Variants in PAQR3 observed in about 807,000 individuals in gnomAD.
PAQR3 encodes the protein Raf kinase trapping to Golgi.
A neutral mutation model predicts 41.7 loss-of-function variants in PAQR3; 39 were observed. That is an observed-to-expected ratio of 0.93 (90% confidence interval 0.72 to 1.22). The LOEUF is 1.22. Among genes scored for constraint, PAQR3 ranks in the 50% most tolerant of loss-of-function variants. PAQR3 has a pLI of 0.00. For missense variants in PAQR3, 366 were observed against 385.6 expected, an observed-to-expected ratio of 0.95 and a Z score of 0.42; for synonymous variants, 140 against 140.6, an observed-to-expected ratio of 1.00 and a Z score of 0.03.
chr4:78,898,607 C>T (rs1316193277), intron 11 of PAQR3, among the ~76,000 whole-genome samples: 1 of 149,576 alleles, frequency 6.7e-6, no homozygotes, highest in Non-Finnish European at 1.5e-5. Context: ...TAATCATATT[C>T]CTTTCCTGTT....
intron 12 of PAQR3, among the ~76,000 whole-genome samples, chr4:78,887,866 A>G (rs1306125777): frequency 6.6e-6 from 1 of 152,170 alleles, no homozygotes; most frequent in African/African-American, 2.4e-5. Context: ...TTATAGTGGA[A>G]AAAAAGAGTT....
At chr4:78,911,580 C>A, downstream of PAQR3, 1 of 1,614,038 alleles carries the variant, frequency 6.2e-7, no homozygotes, top group Non-Finnish European at 8.5e-7. Flanking sequence ...TGAAGCCTAC[C>A]TATCGCACTC....
Position 78,926,686 on chromosome 4 carries a change from A to G in PAQR3, c.537T>C (p.Leu179=), listed in dbSNP as rs1272111727. The change falls in exon 4 of 6, where the codon CTT becomes CTC. Residue 179 remains leucine, a synonymous_variant. Coordinates refer to ENST00000512733, the MANE Select transcript of PAQR3 (RefSeq NM_001040202.2). ...CAAAGAACACTGCCAGGATCATAGC[A>G]AGCACTGTGATCAAGTACACCTGAC... ...YWRQVYLITV[L]AMILAVFFAQ... is the part of the protein sequence containing the mutation. The G allele has an allele frequency of 2.5e-6, 4 of 1,614,048 alleles. No homozygotes were observed. The South Asian group carries it at 4.4e-5, about 18-fold the overall frequency.
At chr4:78,929,230 A>G (rs1319807821) in intron 3 of PAQR3, among the ~76,000 whole-genome samples, 1 of 152,196 alleles carries the variant, frequency 6.6e-6, no homozygotes, top group East Asian at 1.9e-4. Context: ...CTAGGACTAG[A>G]AATAACTAGT....
chr4:78,896,137 T>G (rs1048520672), intron 11 of PAQR3, among the ~76,000 whole-genome samples: 1 of 152,104 alleles, frequency 6.6e-6, no homozygotes, highest in East Asian at 1.9e-4. Flanking sequence ...ATAACCTAAC[T>G]TTTTTGCAGC....
chr4:78,919,599 A>G lies in PAQR3; in HGVS notation c.*940T>C. The G allele has an allele frequency of 1.0e-6, 1 of 985,112 alleles. No individual in the cohort carries two copies. Among genetic ancestry groups the G allele is most frequent in the Non-Finnish European group, 1.2e-6 (1 of 829,766 alleles). 61.0% of individuals were successfully genotyped at this position (985,112 alleles called of 1,614,324 possible). On this transcript the variant is annotated 3_prime_UTR_variant, in exon 6 of 6. Transcript: ENST00000512733. ...TGTTCTAAGGCTTAAGGTTCATTTCAGGGTCAAGACAGGGCCATCTAGATT... is the reference window on the plus strand; with the variant it reads ...TGTTCTAAGGCTTAAGGTTCATTTCGGGGTCAAGACAGGGCCATCTAGATT...
At chr4:78,893,026 C>T (rs751619836) in intron 11 of PAQR3, among the ~76,000 whole-genome samples, 22 of 152,306 alleles carry the variant, frequency 1.4e-4, no homozygotes, top group Non-Finnish European at 2.5e-4. Flanking sequence ...TGAAAGACTT[C>T]TCTGTACATG....
At chr4:78,921,068 GAGA>G (rs1283138421) in intron 5 of PAQR3, among the ~76,000 whole-genome samples, 2 of 151,996 alleles carry the variant, frequency 1.3e-5, no homozygotes, top group East Asian at 1.9e-4. Flanking sequence ...ATAAATCCGC[GAGA>G]AGGAGATATA....
intron 1 of PAQR3, among the ~76,000 whole-genome samples, chr4:78,936,999 C>T (rs962713864): frequency 6.6e-6 from 1 of 152,174 alleles, no homozygotes; most frequent in Non-Finnish European, 1.5e-5. Context: ...TCTACTCTTA[C>T]TGTACGAAAA....
intron 11 of PAQR3, among the ~76,000 whole-genome samples, chr4:78,892,103 C>T (rs1414055789): frequency 3.9e-5 from 6 of 152,062 alleles, no homozygotes; most frequent in African/African-American, 7.2e-5. Flanking sequence ...TTATGTTGGT[C>T]TCGTAAAATG....
At position 78,920,371 on chromosome 4, in the gene PAQR3, G is replaced by A; in HGVS notation, c.*168C>T. 1 of 1,241,922 alleles carries A rather than the reference G, an allele frequency of 8.1e-7. No individual in the cohort carries two copies. Among genetic ancestry groups the A allele is most frequent in the South Asian group, 3.6e-5 (1 of 27,894 alleles). The allele number at this position is 1,241,922 out of a possible 1,614,324, so 76.9% of individuals were successfully genotyped here. A position where few individuals can be genotyped will look rare whatever the true frequency, so the allele number is the denominator to read the frequency against. On this transcript the variant is annotated 3_prime_UTR_variant, in exon 6 of 6. Coordinates refer to ENST00000512733, the MANE Select transcript of PAQR3 (RefSeq NM_001040202.2). ...GTAGTTTTAAGGATTTTGTAAAGCA[G>A]TTATTACTACAGATCCTTAAGTATA...
At chr4:78,910,858 G>A, downstream of PAQR3, 1 of 1,614,006 alleles carries the variant, frequency 6.2e-7, no homozygotes, top group South Asian at 1.1e-5. Context: ...GGAACAAGGA[G>A]ATTTTAATGA....
rs1734875008 is a variant in PAQR3 at position 78,914,516 on chromosome 4, G to T, written c.*6023C>A. 1 of 151,792 alleles carries T rather than the reference G, an allele frequency of 6.6e-6. No individual in the cohort carries two copies. The highest frequency in any genetic ancestry group is 1.9e-4 in the East Asian group (1 of 5,188). 9.4% of individuals were successfully genotyped at this position (151,792 alleles called of 1,614,324 possible). A position where few individuals can be genotyped will look rare whatever the true frequency, so the allele number is the denominator to read the frequency against. Reference sequence around the variant, plus strand: ...TTCATTCATCATCCCCCAGAATCATGGTCAAGGTGTAGGTCACTCCACACA... The same window carrying T: ...TTCATTCATCATCCCCCAGAATCATTGTCAAGGTGTAGGTCACTCCACACA... On this transcript the variant is annotated 3_prime_UTR_variant, in exon 6 of 6. Transcript: ENST00000512733.
Position 78,894,857 on chromosome 4 carries a change from T to A in PAQR3, c.*837-6709A>T, listed in dbSNP as rs1014207867. ...GCATCTCGTCCTTTCACCTGAACAC[T>A]TAGAGGCCATTGTGGGGTTATTAAT... On this transcript the variant is annotated intron_variant and NMD_transcript_variant, in intron 11 of 12. Coordinates refer to the PAQR3 transcript ENST00000342820. Among the ~76,000 whole-genome samples the A allele has an allele frequency of 3.9e-5, 6 of 152,314 alleles. No homozygotes were observed. The East Asian group carries it at 7.7e-4, about 20-fold the overall frequency.
At chr4:78,904,153 C>A (rs1449205674) in intron 11 of PAQR3, among the ~76,000 whole-genome samples, 1 of 151,838 alleles carries the variant, frequency 6.6e-6, no homozygotes, top group East Asian at 1.9e-4. Flanking sequence ...CAATGCATGT[C>A]TTTGAAACGA....
chr4:78,892,164 A>AT (rs1035020699), intron 11 of PAQR3, among the ~76,000 whole-genome samples: 12 of 152,016 alleles, frequency 7.9e-5, no homozygotes, highest in Non-Finnish European at 1.8e-4. Context: ...TATGATGTAG[A>AT]TTTTTTTCCT....
chr4:78,932,052 C>T (rs1014067910), intron 2 of PAQR3, among the ~76,000 whole-genome samples: 6 of 152,138 alleles, frequency 3.9e-5, no homozygotes, highest in African/African-American at 7.2e-5. Flanking sequence ...AAAGTAGTTA[C>T]AAATGATAAA....
chr4:78,911,609 A>T, downstream of PAQR3: 2 of 1,614,032 alleles, frequency 1.2e-6, no homozygotes, highest in Non-Finnish European at 1.7e-6. Flanking sequence ...GCTCGCAGGC[A>T]CAAAAAAGTG....
intron 1 of PAQR3, among the ~76,000 whole-genome samples, chr4:78,936,547 A>G (rs1009148617): frequency 2.0e-5 from 3 of 152,248 alleles, no homozygotes; most frequent in African/African-American, 4.8e-5. Context: ...GGCCAAATAC[A>G]TGATGTATAT....
Sources: gnomAD v4.1 joint callset for allele counts (sites outside exome capture counted in the v4.1 genomes callset) on GRCh38, gnomAD v4.1.1 for gene constraint, MANE v1.5 for transcripts, NCBI Gene and HGNC (gene_info 2026-07-23, HGNC 2026-07-21) for gene names.